SLC4A10: variants seen among roughly 807,000 people sequenced by gnomAD.
SLC4A10 encodes solute carrier family 4 member 10.
A neutral mutation model predicts 137.7 loss-of-function variants in SLC4A10; 42 were observed. The ratio of observed to expected loss-of-function variants is 0.30; its 90% CI spans 0.24 to 0.39. SLC4A10 has a LOEUF of 0.39. SLC4A10 is among the 10% of genes least tolerant of loss of function. SLC4A10 has a pLI of 1.00. For synonymous variants in SLC4A10, 474 were observed against 464.1 expected (o/e 1.02, Z -0.27); for missense variants, 925 against 1,355.0 (o/e 0.68, Z 4.98).
intron 3 of SLC4A10, among the ~76,000 whole-genome samples, chr2:161,834,249 A>G (rs758170600): frequency 4.6e-5 from 7 of 152,186 alleles, no homozygotes; most frequent in Non-Finnish European, 8.8e-5. Flanking sequence ...ACAGCTTGCC[A>G]AGACCCCCTG....
At chr2:161,769,771 T>C (rs1008340139) in intron 1 of SLC4A10, among the ~76,000 whole-genome samples, 2 of 151,884 alleles carry the variant, frequency 1.3e-5, no homozygotes, top group Non-Finnish European at 2.9e-5. Flanking sequence ...ATTGAAATTT[T>C]TCCTCCCCCT....
intron 1 of SLC4A10, among the ~76,000 whole-genome samples, chr2:161,720,100 ACTTT>A (rs921979817): frequency 4.4e-4 from 67 of 152,266 alleles, no homozygotes; most frequent in African/African-American, 1.5e-3. Context: ...TCCAGTTTCA[ACTTT>A]CTACATATGG....
In SLC4A10 at chr2:161,855,128, C is replaced by A. The variant is rs745983686; in HGVS notation, c.575C>A (p.Ala192Glu). 6.2e-7 allele frequency: 1 copy of A among 1,606,228 alleles called. No individual in the cohort carries two copies. Among genetic ancestry groups the A allele is most frequent in the South Asian group, 1.1e-5 (1 of 89,428 alleles). Residue 192 changes from alanine (A) to glutamate (E), a missense_variant and splice_region_variant, in exon 5 of 27, where the codon GCA becomes GAA. This residue lies in a region of SLC4A10 where 277 missense variants were observed against 306.1 expected (regional missense o/e 0.90). Coordinates refer to ENST00000446997, the MANE Select transcript of SLC4A10 (RefSeq NM_001178015.2). Reference protein sequence around the residue: ...DMHANTLEEIADMVLDQQVSS... With the variant: ...DMHANTLEEIEDMVLDQQVSS... ...CATGCCAACACTTTAGAAGAAATTGCAGGTATATCTTTTCCCCCTTAGTGT... is the reference window on the plus strand; with the variant it reads ...CATGCCAACACTTTAGAAGAAATTGAAGGTATATCTTTTCCCCCTTAGTGT...
At chr2:161,869,764 G>A (rs1271845351) in intron 6 of SLC4A10, among the ~76,000 whole-genome samples, 1 of 151,520 alleles carries the variant, frequency 6.6e-6, no homozygotes, top group African/African-American at 2.4e-5. Context: ...AAACTTCGCA[G>A]GACTTTTGAT....
chr2:161,719,859 A>T (rs1209065496), intron 1 of SLC4A10, among the ~76,000 whole-genome samples: 8 of 151,886 alleles, frequency 5.3e-5, no homozygotes, highest in African/African-American at 1.4e-4. Context: ...GTTCACTCTG[A>T]TGGTAGTTTC....
At chr2:161,898,696 T>C (rs745929314) in intron 11 of SLC4A10, among the ~76,000 whole-genome samples, 1 of 152,154 alleles carries the variant, frequency 6.6e-6, no homozygotes, top group Non-Finnish European at 1.5e-5. Flanking sequence ...CCCTTTTGTG[T>C]ACCCTCAACT....
At chr2:161,823,477 AT>A (rs758262123) in intron 3 of SLC4A10, among the ~76,000 whole-genome samples, 2 of 152,138 alleles carry the variant, frequency 1.3e-5, no homozygotes, top group Non-Finnish European at 2.9e-5. Flanking sequence ...GTTCTCACAT[AT>A]TTTTCATCAT....
intron 23 of SLC4A10, among the ~76,000 whole-genome samples, chr2:161,973,507 A>C (rs1315787647): frequency 3.3e-5 from 5 of 152,228 alleles, no homozygotes; most frequent in Non-Finnish European, 7.3e-5. Context: ...GGAAAGATGG[A>C]ATATTGTCAT....
At chr2:161,717,543 A>C (rs1197544088) in intron 1 of SLC4A10, among the ~76,000 whole-genome samples, 1 of 152,156 alleles carries the variant, frequency 6.6e-6, no homozygotes, top group African/African-American at 2.4e-5. Context: ...GCATCTAATG[A>C]GATAATCACG....
intron 15 of SLC4A10, among the ~76,000 whole-genome samples, chr2:161,922,317 C>T (rs1159623877): frequency 2.0e-5 from 3 of 151,932 alleles, no homozygotes; most frequent in African/African-American, 2.4e-5. Context: ...AAGCTATTTT[C>T]CTCATAATAT....
chr2:161,877,936 A>G (rs1031138003), intron 8 of SLC4A10, among the ~76,000 whole-genome samples: 21 of 152,058 alleles, frequency 1.4e-4, no homozygotes, highest in African/African-American at 4.6e-4. Context: ...ATTTTGTGGT[A>G]TCCTTATTCT....
At chr2:161,695,983 T>C (rs2042449993) in intron 1 of SLC4A10, among the ~76,000 whole-genome samples, 2 of 152,274 alleles carry the variant, frequency 1.3e-5, no homozygotes, top group South Asian at 4.1e-4. Context: ...TACATATGTA[T>C]ACATGTGCCA....
chr2:161,768,473 T>C (rs185645223), intron 1 of SLC4A10, among the ~76,000 whole-genome samples: 34 of 152,166 alleles, frequency 2.2e-4, no homozygotes, highest in Admixed American at 2.0e-3. Flanking sequence ...TTTTTGGCAA[T>C]GTAGCAAGAT....
chr2:161,730,757 G>C lies in SLC4A10; in HGVS notation c.49-40216G>C, dbSNP rs1421345078. Among the ~76,000 whole-genome samples, 5 of 152,280 alleles carry C rather than the reference G, an allele frequency of 3.3e-5. No individual in the cohort carries two copies. The East Asian group carries it at 9.6e-4, about 29-fold the overall frequency. On this transcript the variant is annotated intron_variant, in intron 1 of 26. Coordinates refer to ENST00000446997, the MANE Select transcript of SLC4A10 (RefSeq NM_001178015.2). Reference sequence around the variant, plus strand: ...GAAAATAAAGGAAGAACTAGTGTCAGTGAAATATAATCAGAACCACATCTC... The same window carrying C: ...GAAAATAAAGGAAGAACTAGTGTCACTGAAATATAATCAGAACCACATCTC...
chr2:161,660,799 G>A (rs1254373629), intron 1 of SLC4A10, among the ~76,000 whole-genome samples: 10 of 150,626 alleles, frequency 6.6e-5, no homozygotes, highest in Admixed American at 4.0e-4. Context: ...GACTACAGGC[G>A]CCCACCACCA....
chr2:161,867,987 C>T (rs937615952), intron 6 of SLC4A10, among the ~76,000 whole-genome samples: 2 of 151,852 alleles, frequency 1.3e-5, no homozygotes, highest in Non-Finnish European at 2.9e-5. Context: ...TAGTAATGTA[C>T]CTCCATGTCT....
At chr2:161,698,819 C>T (rs952205691) in intron 1 of SLC4A10, among the ~76,000 whole-genome samples, 8 of 152,118 alleles carry the variant, frequency 5.3e-5, no homozygotes, top group East Asian at 1.9e-4. Context: ...ATGCTGGCCT[C>T]ATAAAATGAG....
rs550636252 is a variant in SLC4A10, at chr2:161,967,494, C to T, written c.3159+2321C>T. On this transcript the variant is annotated intron_variant, in intron 23 of 26. Transcript: ENST00000446997. ...ATTTGGTATGAAAATGCTCAGTGAACCCAGCCATATTTGCTATTGTTTTTG... is the reference window on the plus strand; with the variant it reads ...ATTTGGTATGAAAATGCTCAGTGAATCCAGCCATATTTGCTATTGTTTTTG... 4.6e-5 allele frequency among the ~76,000 whole-genome samples: 7 copies of T among 152,206 alleles called. No individual in the cohort carries two copies. The East Asian group carries it at 1.4e-3, about 29-fold the overall frequency.
rs1014582770 is a variant in SLC4A10, at chr2:161,770,612, A to G, written c.49-361A>G. ...CTAATGATTTTCATATTTTCCTTGCATAGTTCAAAATGTCATCTTGTTAAC... is the reference window on the plus strand; with the variant it reads ...CTAATGATTTTCATATTTTCCTTGCGTAGTTCAAAATGTCATCTTGTTAAC... On this transcript the variant is annotated intron_variant, in intron 1 of 26. Transcript: ENST00000446997. 3.3e-5 allele frequency among the ~76,000 whole-genome samples: 5 copies of G among 152,046 alleles called. No homozygotes were observed. In the East Asian group the frequency reaches 5.8e-4, roughly 18 times the overall value.
Sources: gnomAD v4.1 joint callset for allele counts (sites outside exome capture counted in the v4.1 genomes callset) on GRCh38, gnomAD v4.1.1 for gene constraint, gnomAD v4.1.1 regional missense constraint, MANE v1.5 for transcripts, NCBI Gene and HGNC (gene_info 2026-07-23, HGNC 2026-07-21) for gene names.